Variants in ADGRD2 observed in about 807,000 individuals in gnomAD.
ADGRD2 encodes the protein G protein-coupled receptor PGR24.
ADGRD2 carries 71 observed loss-of-function variants against 44.4 expected under a neutral mutation model. That is an observed-to-expected ratio of 1.60 (90% CI 1.32 to 1.95). ADGRD2 has a LOEUF of 1.95. Ranked by LOEUF, ADGRD2 falls within the 30% of genes most tolerant of loss-of-function variation. The pLI is 0.00. For synonymous variants in ADGRD2, 481 were observed against 224.8 expected (o/e 2.14, Z -10.19); for missense variants, 1,039 against 512.4 (o/e 2.03, Z -9.92).
At chr9:124,453,547 C>A (rs1406139098) in exon 3 of ADGRD2, 1 of 697,748 alleles carries the variant, frequency 1.4e-6, no homozygotes, top group African/African-American at 1.8e-5. Context: ...GGCGCTGAGC[C>A]CCGCTCAGCT....
At chr9:124,470,760 G>T in intron 17 of ADGRD2, 146 bp downstream of exon 20, 1 of 586,866 alleles carries the variant, frequency 1.7e-6, no homozygotes. Flanking sequence ...CTAAGAAGGG[G>T]TTTTGAGGGT....
intron 10 of ADGRD2, among the ~76,000 whole-genome samples, chr9:124,462,682 CTTAATT>C (rs1831743585): frequency 6.6e-6 from 1 of 151,940 alleles, no homozygotes; most frequent in African/African-American, 2.4e-5. Flanking sequence ...ATATTGTTTT[CTTAATT>C]TTAAACTGTT....
intron 10 of ADGRD2, among the ~76,000 whole-genome samples, chr9:124,462,898 T>TCTTC (rs145399583): frequency 6.7e-5 from 10 of 148,998 alleles, no homozygotes; most frequent in African/African-American, 2.3e-4. Context: ...TTCCTTCCTT[T>TCTTC]CTTCCTTCCT....
At chr9:124,458,691 C>T in exon 10 of ADGRD2, 2 of 718,616 alleles carry the variant, frequency 2.8e-6, no homozygotes, top group Non-Finnish European at 5.2e-6. Context: ...TCAACGTGGC[C>T]ATGACCTTTC....
intron 10 of ADGRD2, among the ~76,000 whole-genome samples, chr9:124,460,388 A>ATTTTTT (rs1554718954): frequency 2.8e-5 from 4 of 145,224 alleles, no homozygotes; most frequent in South Asian, 4.3e-4. Context: ...ATATATATAT[A>ATTTTTT]TTTTTTTTTA....
chr9:124,457,497 G>A, exon 8 of ADGRD2: 1 of 668,126 alleles, frequency 1.5e-6, no homozygotes, highest in South Asian at 1.6e-5. Context: ...GCTTACGCTT[G>A]AGGGAGGCCA....
At chr9:124,452,093 C>T (rs1222879365) in exon 1 of ADGRD2, 7 of 701,014 alleles carry the variant, frequency 1.0e-5, no homozygotes, top group Non-Finnish European at 1.9e-5. Context: ...TCTCCCAGAT[C>T]AGGAGTCTCT....
At chr9:124,453,714 C>G (rs758099115) in intron 3 of ADGRD2, 38 bp downstream of exon 6, 9 of 673,962 alleles carry the variant, frequency 1.3e-5, no homozygotes, top group South Asian at 3.2e-5. Flanking sequence ...CCCATGGCCC[C>G]GAATCCTTCC....
exon 3 of ADGRD2, chr9:124,453,436 G>A (rs375643116): frequency 1.5e-6 from 1 of 663,784 alleles, no homozygotes; most frequent in Non-Finnish European, 2.7e-6. Flanking sequence ...GCCGTCCGGC[G>A]GCATCCTGGT....
chr9:124,453,421 C>G, exon 3 of ADGRD2: 1 of 640,418 alleles, frequency 1.6e-6, no homozygotes, highest in Non-Finnish European at 2.8e-6. Flanking sequence ...CGCCGGCCAC[C>G]CGGTGCCGTC....
chr9:124,470,070 A>G (rs972924270), intron 16 of ADGRD2, among the ~76,000 whole-genome samples: 4 of 151,562 alleles, frequency 2.6e-5, no homozygotes, highest in Admixed American at 2.6e-4. Flanking sequence ...CCCCTTCCCC[A>G]CCCATCCTCC....
At position 124,455,027 on chromosome 9, in the gene ADGRD2, T is replaced by A; in HGVS notation, c.1295T>A (p.Leu432Ter). The A allele has an allele frequency of 1.4e-6, 1 of 718,290 alleles. No homozygotes were observed. Among genetic ancestry groups the A allele is most frequent in the Non-Finnish European group, 2.6e-6 (1 of 385,062 alleles). The allele number at this position is 718,290 out of a possible 1,614,324, so 44.5% of individuals were successfully genotyped here. ...CTCGGGGCTGGGGACCCAGAGCTGT[T>A]GTTGACAGGCCCCTGGGAGCAGCTG... The change falls in exon 6 of 22, where the codon TTG (leucine) becomes TAG (stop). Residue 432 changes from leucine to a stop codon, truncating the protein, a stop_gained. Coordinates refer to ENST00000334810, the Ensembl canonical transcript of ADGRD2. LOFTEE classifies it high-confidence loss of function.
chr9:124,457,994 T>C, intron 8 of ADGRD2, 119 bp from the exon 12 acceptor site: 1 of 648,160 alleles, frequency 1.5e-6, no homozygotes, highest in East Asian at 2.7e-5. Context: ...GAAGTCAGTT[T>C]ACCTCTCTGA....
At chr9:124,452,017 C>CCCCAGGAGGG, upstream of ADGRD2, 1 of 563,666 alleles carries the variant, frequency 1.8e-6, no homozygotes, top group South Asian at 1.7e-5. Flanking sequence ...CACCCACCCC[C>CCCCAGGAGGG]AGAGTAGGCA....
At chr9:124,478,349 C>G (rs1300785923) in exon 22 of ADGRD2, 1 of 152,484 alleles carries the variant, frequency 6.6e-6, no homozygotes, top group African/African-American at 2.4e-5. Context: ...GGACCCCAGA[C>G]CCCAGAACGG....
intron 10 of ADGRD2, among the ~76,000 whole-genome samples, chr9:124,459,361 G>C (rs572543197): frequency 1.3e-5 from 2 of 152,222 alleles, no homozygotes; most frequent in African/African-American, 4.8e-5. Context: ...AGGCATGGTG[G>C]TACACACTTG....
chr9:124,455,106 C>T (rs1338499213), exon 6 of ADGRD2: 2 of 709,176 alleles, frequency 2.8e-6, no homozygotes, highest in Non-Finnish European at 5.3e-6. Context: ...AGGTGGCTGA[C>T]ACATGGCTCT....
At chr9:124,457,960 A>G (rs1054028249) in intron 8 of ADGRD2, among the ~76,000 whole-genome samples, 153 bp from the exon 12 acceptor site, 4 of 152,138 alleles carry the variant, frequency 2.6e-5, no homozygotes, top group Non-Finnish European at 4.4e-5. Context: ...TGGCTCTTCC[A>G]CTTCTTAGCT....
In ADGRD2 at chr9:124,457,465, C is replaced by A; in HGVS notation, c.1506-7C>A. On this transcript the variant is annotated splice_polypyrimidine_tract_variant and splice_region_variant and intron_variant, in intron 7 of 21. Coordinates refer to ENST00000334810, the Ensembl canonical transcript of ADGRD2. ...AGGTCCAGCCACCCAGCCCCATTTA[C>A]CCCCAGGCCTGGAGGTGCGGAGCTT... 1 of 603,528 alleles carries A rather than the reference C, an allele frequency of 1.7e-6. No homozygotes were observed. The allele number at this position is 603,528 out of a possible 1,614,324, so 37.4% of individuals were successfully genotyped here. A position where few individuals can be genotyped will look rare whatever the true frequency, so the allele number is the denominator to read the frequency against.
Sources: gnomAD v4.1 joint callset for allele counts (sites outside exome capture counted in the v4.1 genomes callset) on GRCh38, gnomAD v4.1.1 for gene constraint, MANE v1.5 for transcripts, NCBI Gene and HGNC (gene_info 2026-07-23, HGNC 2026-07-21) for gene names.